INTS13: variants seen among roughly 807,000 people sequenced by gnomAD.
The protein encoded by INTS13 is integrator complex subunit 13.
A neutral mutation model predicts 90.2 loss-of-function variants in INTS13; 35 were observed. The ratio of observed to expected loss-of-function variants is 0.39; its 90% CI spans 0.30 to 0.51. The LOEUF is 0.51. Ranked by LOEUF, INTS13 falls within the 20% of genes least tolerant of loss-of-function variation. The pLI is 0.80. For synonymous variants in INTS13, 309 were observed against 277.1 expected, an observed-to-expected ratio of 1.11 and a Z score of -1.14; for missense variants, 601 against 851.2, an observed-to-expected ratio of 0.71 and a Z score of 3.66.
chr12:26,915,918 C>A, intron 11 of INTS13, 84 bp downstream of exon 11: 3 of 995,308 alleles, frequency 3.0e-6, no homozygotes, highest in Non-Finnish European at 4.3e-6. Flanking sequence ...TTCCACAGAC[C>A]TTAGCATTTA....
rs762104351 is a variant in INTS13, at chr12:26,914,488, G to T, written c.1339C>A (p.Arg447=). ...TGTTTTTCTAACTGATCTTTTGCTCGTTCCAAAGGGACCTCAAGACTTCCA... is the reference window on the plus strand; with the variant it reads ...TGTTTTTCTAACTGATCTTTTGCTCTTTCCAAAGGGACCTCAAGACTTCCA... The part of the protein sequence containing the change: ...IDGSLEVPLE[R]AKDQLEKHTR... Residue 447 remains arginine, a synonymous_variant, in exon 12 of 17, where the codon CGA becomes AGA. Coordinates refer to ENST00000261191, the MANE Select transcript of INTS13 (RefSeq NM_018164.3). The T allele has an allele frequency of 6.8e-6, 11 of 1,613,822 alleles. No individual in the cohort carries two copies. The highest frequency in any genetic ancestry group is 1.1e-5 in the South Asian group (1 of 91,074).
chr12:26,917,709 C>T lies in INTS13; in HGVS notation c.914G>A (p.Ser305Asn), dbSNP rs139759406. ...KSGDSHLGGG[S>N]REGSFKETIT... ...TGTTTCTTTAAACGAGCCTTCTCGACTGCCGCCACCTAGATGCGAATCACC... is the reference window on the plus strand; with the variant it reads ...TGTTTCTTTAAACGAGCCTTCTCGATTGCCGCCACCTAGATGCGAATCACC... Residue 305 changes from serine (S) to asparagine (N), a missense_variant, in exon 9 of 17, where the codon AGT (serine) becomes AAT (asparagine). Physicochemically the swap from Ser to Asn is conservative, Grantham distance 46. Transcript: ENST00000261191. The T allele has an allele frequency of 1.1e-4, 170 of 1,613,934 alleles. 1 individual carries two copies. The African/African-American group carries it at 2.2e-3, about 21-fold the overall frequency.
At chr12:26,909,047 AT>A (rs1951694458) in intron 15 of INTS13, among the ~76,000 whole-genome samples, 1 of 152,196 alleles carries the variant, frequency 6.6e-6, no homozygotes, top group Non-Finnish European at 1.5e-5. Flanking sequence ...TTCAATAATT[AT>A]TCTTGGGTTA....
chr12:26,918,494 C>T (rs1260476373), intron 8 of INTS13, among the ~76,000 whole-genome samples: 3 of 152,196 alleles, frequency 2.0e-5, no homozygotes, highest in Non-Finnish European at 4.4e-5. Context: ...TAGGTCATTG[C>T]ACTGAAAGTC....
rs1180234895 is a variant in INTS13 at position 26,936,821 on chromosome 12, G to A, written c.-11-7C>T. 7.0e-6 allele frequency: 11 copies of A among 1,566,830 alleles called. No homozygotes were observed. The highest frequency in any genetic ancestry group is 9.7e-6 in the Non-Finnish European group (11 of 1,139,190). ...ATCTTCATTTTGTTTTAACCTGTAA[G>A]GGGAAAAACATATTAGCCAAATATT... On this transcript the variant is annotated splice_polypyrimidine_tract_variant and splice_region_variant and intron_variant, in intron 1 of 16. Transcript: ENST00000261191.
At chr12:26,937,374 A>C (rs1938523805) in intron 1 of INTS13, among the ~76,000 whole-genome samples, 1 of 152,204 alleles carries the variant, frequency 6.6e-6, no homozygotes, top group Non-Finnish European at 1.5e-5. Context: ...TCTTCGCCTT[A>C]GGATAAGGAC....
intron 15 of INTS13, among the ~76,000 whole-genome samples, chr12:26,908,197 G>C (rs898213591): frequency 6.6e-6 from 1 of 152,132 alleles, no homozygotes; most frequent in Non-Finnish European, 1.5e-5. Flanking sequence ...GAGAGTGAAG[G>C]ATGACTACAG....
intron 11 of INTS13, 119 bp downstream of exon 11, chr12:26,915,883 A>C (rs1565822258): frequency 2.1e-5 from 14 of 663,524 alleles, no homozygotes; most frequent in Non-Finnish European, 3.3e-5. Flanking sequence ...TTAAAATAAT[A>C]ATCAACTTCT....
chr12:26,920,601 A>G (rs962595014), intron 8 of INTS13, among the ~76,000 whole-genome samples: 4 of 152,034 alleles, frequency 2.6e-5, no homozygotes, highest in African/African-American at 4.8e-5. Context: ...GGGTTTCACC[A>G]TGTTGGCCAG....
chr12:26,917,322 C>T (rs767076207), intron 10 of INTS13, 30 bp downstream of exon 10: 8 of 790,404 alleles, frequency 1.0e-5, no homozygotes, highest in Non-Finnish European at 1.5e-5. Context: ...TAAATAATTT[C>T]AGTCAAAACC....
At chr12:26,929,767 GGAGA>G (rs1343329363) in intron 3 of INTS13, among the ~76,000 whole-genome samples, 2 of 147,160 alleles carry the variant, frequency 1.4e-5, no homozygotes, top group Admixed American at 1.4e-4. Flanking sequence ...AAGGAAGGAA[GGAGA>G]GAGAAAGGGA....
chr12:26,909,900 G>A (rs1951724087), intron 15 of INTS13, among the ~76,000 whole-genome samples: 1 of 152,138 alleles, frequency 6.6e-6, no homozygotes, highest in Admixed American at 6.6e-5. Context: ...TTCATAAGCT[G>A]GTTCTACTGC....
intron 2 of INTS13, among the ~76,000 whole-genome samples, chr12:26,935,801 A>C (rs894588213): frequency 1.3e-5 from 2 of 152,184 alleles, no homozygotes; most frequent in African/African-American, 4.8e-5. Flanking sequence ...CTACTGCCCT[A>C]CCTTCCTCAG....
At chr12:26,936,369 C>T (rs1208448253) in intron 2 of INTS13, among the ~76,000 whole-genome samples, 1 of 152,208 alleles carries the variant, frequency 6.6e-6, no homozygotes. Context: ...ATATGTCTGG[C>T]ACATGTAAAG....
intron 15 of INTS13, among the ~76,000 whole-genome samples, chr12:26,908,788 C>T (rs957161591): frequency 2.6e-5 from 4 of 152,138 alleles, no homozygotes; most frequent in African/African-American, 9.7e-5. Context: ...AAAACAAACA[C>T]TTTTCAAATA....
chr12:26,925,699 C>T, intron 6 of INTS13, 62 bp downstream of exon 6: 2 of 1,290,900 alleles, frequency 1.5e-6, no homozygotes, highest in South Asian at 1.4e-5. Context: ...TAATGATAAC[C>T]CTTCTCAGTA....
chr12:26,918,144 T>C (rs906560187), intron 8 of INTS13, among the ~76,000 whole-genome samples: 1 of 151,636 alleles, frequency 6.6e-6, no homozygotes, highest in Non-Finnish European at 1.5e-5. Flanking sequence ...AAAATAATAA[T>C]AATAATAAAA....
Position 26,937,785 on chromosome 12 carries a change from GGTTCGCTTACTT to G in INTS13, c.-13_-12+10del, listed in dbSNP as rs1938557438. ...TGGATAGGGAAGACCTCAGGATCGAGGTTCGCTTACTTTCGTGCCTGGTCCTGCAGTGAAAAC... is the reference window on the plus strand; with the variant it reads ...TGGATAGGGAAGACCTCAGGATCGAGTCGTGCCTGGTCCTGCAGTGAAAAC... On this transcript the variant is annotated splice_donor_variant and splice_donor_5th_base_variant and 5_prime_UTR_variant and intron_variant, in exon 1 of 17. Coordinates refer to ENST00000261191, the MANE Select transcript of INTS13 (RefSeq NM_018164.3). LOFTEE classifies it low-confidence loss of function (5UTR_SPLICE). 1 of 152,726 alleles carries G rather than the reference GGTTCGCTTACTT, an allele frequency of 6.5e-6. No individual in the cohort carries two copies. The highest frequency in any genetic ancestry group is 2.4e-5 in the African/African-American group (1 of 41,434). The allele number at this position is 152,726 out of a possible 1,614,324, so 9.5% of individuals were successfully genotyped here. A position where few individuals can be genotyped will look rare whatever the true frequency, so the allele number is the denominator to read the frequency against.
rs750933295 is a variant in INTS13 at position 26,911,361 on chromosome 12, G to T, written c.1806-44C>A. ...ATGAAATGTAAAGTTCAAATTTTTAGAAGTCTAATGGTCTAATAATTAAAC... is the reference window on the plus strand; with the variant it reads ...ATGAAATGTAAAGTTCAAATTTTTATAAGTCTAATGGTCTAATAATTAAAC... On this transcript the variant is annotated intron_variant, in intron 14 of 16. Coordinates refer to ENST00000261191, the MANE Select transcript of INTS13 (RefSeq NM_018164.3). 31 of 1,529,166 alleles carry T rather than the reference G, an allele frequency of 2.0e-5. No homozygotes were observed. The Admixed American group carries it at 2.8e-4, about 14-fold the overall frequency. The allele number at this position is 1,529,166 out of a possible 1,614,324, so 94.7% of individuals were successfully genotyped here. A position where few individuals can be genotyped will look rare whatever the true frequency, so the allele number is the denominator to read the frequency against.
Sources: gnomAD v4.1 joint callset for allele counts (sites outside exome capture counted in the v4.1 genomes callset) on GRCh38, gnomAD v4.1.1 for gene constraint, MANE v1.5 for transcripts, NCBI Gene and HGNC (gene_info 2026-07-23, HGNC 2026-07-21) for gene names.